OPTN: variants seen among roughly 807,000 people sequenced by gnomAD.
OPTN encodes E3-14.7K-interacting protein.
In OPTN, 54 loss-of-function variants were observed where a neutral mutation model predicts 70.4. That is an observed-to-expected ratio of 0.77 (90% CI 0.62 to 0.96). The LOEUF is 0.96. Ranked by LOEUF, OPTN falls within the 40% of genes least tolerant of loss-of-function variation. The pLI, the probability that OPTN is intolerant of heterozygous loss-of-function variation, is 0.00. For missense variants in OPTN, 624 were observed against 673.2 expected (o/e 0.93, Z 0.81); for synonymous variants, 256 against 248.5 (o/e 1.03, Z -0.28).
At chr10:13,100,530 C>T (rs967897300) in intron 1 of OPTN, among the ~76,000 whole-genome samples, 1 of 152,160 alleles carries the variant, frequency 6.6e-6, no homozygotes, top group Non-Finnish European at 1.5e-5. Flanking sequence ...GTAGTGAACA[C>T]AGGGTGGGCC....
At chr10:13,102,524 G>T (rs193255154) in intron 1 of OPTN, among the ~76,000 whole-genome samples, 8 of 152,344 alleles carry the variant, frequency 5.3e-5, no homozygotes, top group Non-Finnish European at 7.3e-5. Flanking sequence ...CAGTCCTGGG[G>T]ATACAGCAGT....
intron 12 of OPTN, among the ~76,000 whole-genome samples, chr10:13,128,373 A>C (rs1033809330): frequency 3.2e-4 from 48 of 151,066 alleles, no homozygotes; most frequent in African/African-American, 1.0e-3. Context: ...TCCTTTAACC[A>C]CTCTGGAGGG....
In OPTN at chr10:13,118,940, G is replaced by T; in HGVS notation, c.679G>T (p.Glu227Ter). 1.2e-6 allele frequency: 2 copies of T among 1,613,992 alleles called. No individual in the cohort carries two copies. The highest frequency in any genetic ancestry group is 1.7e-6 in the Non-Finnish European group (2 of 1,179,890). ...TGCAGATGGGGCCAAGAATTACTTC[G>T]AACATGAGGAGTTAACTGTGAGCCA... ...RSADGAKNYFEHEELTVSQLL... is the reference protein window; with the variant it reads ...RSADGAKNYF Residue 227 changes from glutamate to a stop codon, truncating the protein, a stop_gained, in exon 7 of 15, where the codon GAA becomes TAA. Transcript: ENST00000378747. LOFTEE classifies it high-confidence loss of function.
chr10:13,122,051 T>C (rs1291390385), intron 7 of OPTN, among the ~76,000 whole-genome samples: 1 of 152,232 alleles, frequency 6.6e-6, no homozygotes, highest in African/African-American at 2.4e-5. Flanking sequence ...ATGAATGAGA[T>C]ACCATGTTCA....
intron 5 of OPTN, among the ~76,000 whole-genome samples, chr10:13,115,482 ATATTC>A (rs1833172754): frequency 4.9e-5 from 5 of 102,490 alleles, no homozygotes; most frequent in African/African-American, 2.6e-4. Flanking sequence ...TATATATAAT[ATATTC>A]TATATTATAT....
chr10:13,133,243 A>T (rs1227911047), intron 13 of OPTN, among the ~76,000 whole-genome samples: 2 of 152,194 alleles, frequency 1.3e-5, no homozygotes, highest in African/African-American at 2.4e-5. Flanking sequence ...ATTTTGATTT[A>T]TAAATATGCC....
intron 1 of OPTN, among the ~76,000 whole-genome samples, chr10:13,101,542 G>A (rs1237237357): frequency 6.6e-6 from 1 of 151,506 alleles, no homozygotes; most frequent in Non-Finnish European, 1.5e-5. Context: ...GTTTTATAGA[G>A]ATTTGGCATA....
rs188879302 is a variant in OPTN at position 13,111,916 on chromosome 10, C to T, written c.370-537C>T. On this transcript the variant is annotated intron_variant, in intron 4 of 14. Coordinates refer to ENST00000378747, the MANE Select transcript of OPTN (RefSeq NM_001008212.2). ...AGGCTGGAGTACAGTGGCATAATCTCGGCTCACTGCAAGCTCCGCCTCCCA... is the reference window on the plus strand; with the variant it reads ...AGGCTGGAGTACAGTGGCATAATCTTGGCTCACTGCAAGCTCCGCCTCCCA... 5.8e-3 allele frequency among the ~76,000 whole-genome samples: 758 copies of T among 131,282 alleles called. 5 individuals are homozygous for T. Among genetic ancestry groups the T allele is most frequent in the African/African-American group, 0.021 (721 of 34,826 alleles). The allele number at this position is 131,282 out of a possible 152,430, so 86.1% of individuals were successfully genotyped here.
chr10:13,108,849 A>T, intron 2 of OPTN: 1 of 435,640 alleles, frequency 2.3e-6, no homozygotes, highest in South Asian at 2.1e-5. Context: ...CCCGGCCCTC[A>T]TTGTACCCTT....
chr10:13,114,995 TTATA>T lies in OPTN; in HGVS notation c.553-1266_553-1263del, dbSNP rs372406864. 2.4e-3 allele frequency among the ~76,000 whole-genome samples: 10 copies of T among 4,086 alleles called. 2 individuals are homozygous for T. In the South Asian group the frequency reaches 0.034, roughly 14 times the overall value. 2.7% of individuals were successfully genotyped at this position (4,086 alleles called of 152,430 possible). On this transcript the variant is annotated intron_variant, in intron 5 of 14. Transcript: ENST00000378747. ...TATTTATATATAGATATATCTATAT[TTATA>T]TATATTTATATATATAGATATATCT...
chr10:13,125,053 C>T (rs192780799), intron 9 of OPTN, among the ~76,000 whole-genome samples: 115 of 152,208 alleles, frequency 7.6e-4, no homozygotes, highest in African/African-American at 2.7e-3. Flanking sequence ...TTGACAGAAC[C>T]TATAACTTTT....
At chr10:13,125,638 A>G in intron 10 of OPTN, 71 bp downstream of exon 10, 2 of 1,576,562 alleles carry the variant, frequency 1.3e-6, no homozygotes, top group Non-Finnish European at 1.7e-6. Flanking sequence ...ACAGATTGGA[A>G]TTCGGATTTG....
At position 13,114,803 on chromosome 10, in the gene OPTN, C is replaced by CGTAT. The variant is rs1564358784; in HGVS notation, c.553-1464_553-1463insGTAT. Among the ~76,000 whole-genome samples the CGTAT allele has an allele frequency of 1.2e-4, 2 of 16,802 alleles. 1 individual carries two copies. The allele number at this position is 16,802 out of a possible 152,430, so 11.0% of individuals were successfully genotyped here. On this transcript the variant is annotated intron_variant, in intron 5 of 14. Coordinates refer to ENST00000378747, the MANE Select transcript of OPTN (RefSeq NM_001008212.2). ...TTATATAATTATATAATTATATATA[C>CGTAT]ATATATATAATTATATAATTATATA...
chr10:13,109,646 C>T (rs1449647078), intron 3 of OPTN: 1 of 192,846 alleles, frequency 5.2e-6, no homozygotes, highest in African/African-American at 2.7e-5. Flanking sequence ...GGCAAGATGG[C>T]AAGACCTGAT....
rs1588446611 is a variant in OPTN, at chr10:13,123,890, C to T, written c.883-105C>T. The T allele has an allele frequency of 9.1e-6, 7 of 767,004 alleles. No individual in the cohort carries two copies. In the East Asian group the frequency reaches 1.8e-4, roughly 20 times the overall value. The allele number at this position is 767,004 out of a possible 1,614,324, so 47.5% of individuals were successfully genotyped here. A position where few individuals can be genotyped will look rare whatever the true frequency, so the allele number is the denominator to read the frequency against. ...GTCAAAGTTGGATTGATTCACCAGC[C>T]AGTCTTAATTGGCTACTAATGGTTC... On this transcript the variant is annotated intron_variant, in intron 8 of 14. Transcript: ENST00000378747.
intron 11 of OPTN, 120 bp from the exon 12 acceptor site, chr10:13,127,625 G>T (rs1163640034): frequency 2.8e-6 from 3 of 1,086,194 alleles, no homozygotes; most frequent in Non-Finnish European, 4.1e-6. Context: ...TCAATTCTAG[G>T]CATGAGCCAC....
chr10:13,116,970 C>G (rs1383629767), intron 6 of OPTN, among the ~76,000 whole-genome samples: 1 of 152,122 alleles, frequency 6.6e-6, no homozygotes, highest in Non-Finnish European at 1.5e-5. Flanking sequence ...CCTCTTGACT[C>G]TCGCAAAGCA....
At chr10:13,103,900 T>A (rs1021735703) in intron 1 of OPTN, among the ~76,000 whole-genome samples, 1 of 152,222 alleles carries the variant, frequency 6.6e-6, no homozygotes, top group Non-Finnish European at 1.5e-5. Flanking sequence ...TAATTCATCC[T>A]TCCATCATTA....
In OPTN at chr10:13,136,759, GACTGGCGGCA is replaced by G; in HGVS notation, c.1630_1639del (p.Trp544SerfsTer19). ...CTTATTCCCAGGAGCTGAGGACAGGGACTGGCGGCAACAGCGGAATATTCCGATTCATTCC... is the reference window on the plus strand; with the variant it reads ...CTTATTCCCAGGAGCTGAGGACAGGGACAGCGGAATATTCCGATTCATTCC... On this transcript the variant is annotated frameshift_variant, in exon 15 of 15. Coordinates refer to ENST00000378747, the MANE Select transcript of OPTN (RefSeq NM_001008212.2). LOFTEE classifies it high-confidence loss of function. 1 of 1,614,070 alleles carries G rather than the reference GACTGGCGGCA, an allele frequency of 6.2e-7. No homozygotes were observed. The highest frequency in any genetic ancestry group is 8.5e-7 in the Non-Finnish European group (1 of 1,179,950).
Sources: allele counts gnomAD v4.1 joint callset (sites outside exome capture counted in the v4.1 genomes callset), GRCh38; gene constraint gnomAD v4.1.1; transcripts MANE v1.5; gene names NCBI Gene and HGNC (gene_info 2026-07-23, HGNC 2026-07-21).